Variants in OR2T27 observed in about 807,000 individuals in gnomAD.
OR2T27 encodes olfactory receptor family 2 subfamily T member 27.
For synonymous variants in OR2T27, 51 were observed against 152.9 expected, an observed-to-expected ratio of 0.33 and a Z score of 4.92; for missense variants, 152 against 397.2, an observed-to-expected ratio of 0.38 and a Z score of 5.25.
chr1:248,653,808 ATTTTT>A (rs1558182360), intron 1 of OR2T27, among the ~76,000 whole-genome samples: 86 of 138,060 alleles, frequency 6.2e-4, no homozygotes, highest in African/African-American at 2.1e-3. Flanking sequence ...TAGTCTATAG[ATTTTT>A]ATTTTTTATT....
rs546055876 is a variant in OR2T27, at chr1:248,653,093, G to A, written c.-4-2205C>T. 3.9e-3 allele frequency among the ~76,000 whole-genome samples: 458 copies of A among 118,512 alleles called. 11 individuals are homozygous for A. The highest frequency in any genetic ancestry group is 5.7e-3 in the Non-Finnish European group (299 of 52,000). 77.7% of individuals were successfully genotyped at this position (118,512 alleles called of 152,430 possible). A position where few individuals can be genotyped will look rare whatever the true frequency, so the allele number is the denominator to read the frequency against. ...CACTGGGAATATTAAAGCCCAAGAT[G>A]AAAAAATTGGTCCAAAAATATCCTT... On this transcript the variant is annotated intron_variant, in intron 1 of 1. Transcript: ENST00000460972.
At chr1:248,652,851 T>C (rs1439286964) in intron 1 of OR2T27, among the ~76,000 whole-genome samples, 4 of 150,832 alleles carry the variant, frequency 2.7e-5, no homozygotes, top group Non-Finnish European at 5.9e-5. Flanking sequence ...TTATAATGTA[T>C]CTTTATTATT....
At chr1:248,653,092 T>G (rs2791309) in intron 1 of OR2T27, among the ~76,000 whole-genome samples, 75,640 of 106,010 alleles carry the variant, frequency 0.71, 29,193 homozygotes, top group South Asian at 0.9. Flanking sequence ...AAGCCCAAGA[T>G]GAAAAAATTG....
intron 1 of OR2T27, among the ~76,000 whole-genome samples, chr1:248,653,783 G>A (rs1661071556): frequency 3.0e-5 from 1 of 32,968 alleles, no homozygotes; most frequent in Non-Finnish European, 1.2e-3. Flanking sequence ...CTATATATAG[G>A]TGATTTGTCG....
chr1:248,655,155 AATG>A (rs1047431119), intron 1 of OR2T27, among the ~76,000 whole-genome samples: 1 of 36,220 alleles, frequency 2.8e-5, no homozygotes, highest in African/African-American at 3.3e-5. Flanking sequence ...TATATGTTGC[AATG>A]ATAAAATCTG....
At position 248,650,908 on chromosome 1, in the gene OR2T27, G is replaced by A. The variant is rs1657051250; in HGVS notation, c.-4-20C>T. ...ATAGCTCTGTAGGGTACACAAAAGA[G>A]ATATGACAAAGTTGGAAAGGTATCT... On this transcript the variant is annotated intron_variant, in intron 1 of 1. Coordinates refer to ENST00000460972, the MANE Select transcript of OR2T27 (RefSeq NM_001001824.2). 1 of 1,372,044 alleles carries A rather than the reference G, an allele frequency of 7.3e-7. No homozygotes were observed. Among genetic ancestry groups the A allele is most frequent in the Non-Finnish European group, 9.9e-7 (1 of 1,007,682 alleles). 85.0% of individuals were successfully genotyped at this position (1,372,044 alleles called of 1,614,324 possible).
At chr1:248,653,763 A>G (rs1467920593) in intron 1 of OR2T27, among the ~76,000 whole-genome samples, 1 of 33,932 alleles carries the variant, frequency 2.9e-5, no homozygotes, top group South Asian at 6.8e-3. Context: ...TTGATTTTTC[A>G]TGACCTTTTC....
chr1:248,652,952 G>A (rs1341253942), intron 1 of OR2T27, among the ~76,000 whole-genome samples: 7 of 132,170 alleles, frequency 5.3e-5, no homozygotes, highest in Admixed American at 5.1e-4. Flanking sequence ...CCCAGACCTG[G>A]TTGTCCATAA....
At chr1:248,651,722 A>G (rs2103115732) in intron 1 of OR2T27, 1 of 71,048 alleles carries the variant, frequency 1.4e-5, no homozygotes, top group South Asian at 6.7e-4. Flanking sequence ...TATCCATATC[A>G]GTTAAATATT....
chr1:248,653,363 A>T lies in OR2T27; in HGVS notation c.-5+2081T>A, dbSNP rs1572115619. On this transcript the variant is annotated intron_variant, in intron 1 of 1. Coordinates refer to ENST00000460972, the MANE Select transcript of OR2T27 (RefSeq NM_001001824.2). ...CTTGGAAAATAAAGGAATCAACTGGATTATGCCATGCCCCATGTAATAACT... is the reference window on the plus strand; with the variant it reads ...CTTGGAAAATAAAGGAATCAACTGGTTTATGCCATGCCCCATGTAATAACT... Among the ~76,000 whole-genome samples, 10 of 133,304 alleles carry T rather than the reference A, an allele frequency of 7.5e-5. 1 individual carries two copies. The South Asian group carries it at 2.7e-3, about 36-fold the overall frequency. The allele number at this position is 133,304 out of a possible 152,430, so 87.5% of individuals were successfully genotyped here.
rs1660981923 is a variant in OR2T27 at position 248,650,428 on chromosome 1, A to ACC, written c.455_456dup (p.Ser153GlyfsTer34). ...GGGGTGAGCAAGAAACCATCGATAGACCCTCCCAGCCAGGCTGCCGCCACA... is the reference window on the plus strand; with the variant it reads ...GGGGTGAGCAAGAAACCATCGATAGACCCCCTCCCAGCCAGGCTGCCGCCACA... On this transcript the variant is annotated frameshift_variant, in exon 2 of 2. Coordinates refer to ENST00000460972, the MANE Select transcript of OR2T27 (RefSeq NM_001001824.2). LOFTEE classifies it low-confidence loss of function (END_TRUNC). The ACC allele has an allele frequency of 6.6e-7, 1 of 1,514,914 alleles. No individual in the cohort carries two copies. Among genetic ancestry groups the ACC allele is most frequent in the African/African-American group, 1.4e-5 (1 of 71,588 alleles). The allele number at this position is 1,514,914 out of a possible 1,614,324, so 93.8% of individuals were successfully genotyped here.
Position 248,651,945 on chromosome 1 carries a change from G to A in OR2T27, c.-4-1057C>T, listed in dbSNP as rs554787957. 1.1e-3 allele frequency among the ~76,000 whole-genome samples: 63 copies of A among 56,668 alleles called. No homozygotes were observed. In the South Asian group the frequency reaches 0.051, roughly 46 times the overall value. The allele number at this position is 56,668 out of a possible 152,430, so 37.2% of individuals were successfully genotyped here. On this transcript the variant is annotated intron_variant, in intron 1 of 1. Transcript: ENST00000460972. ...CATCTCCTTAAAACTTTATATTATG[G>A]TAACTTTTAGATATATTTGGATAAT... is the stretch of plus-strand genomic sequence containing the variant.
At chr1:248,653,308 A>G (rs61834277) in intron 1 of OR2T27, among the ~76,000 whole-genome samples, 93,522 of 112,614 alleles carry the variant, frequency 0.83, 41,946 homozygotes, top group East Asian at 1. Context: ...GTATTTTAAG[A>G]GTTACCCAGT....
At chr1:248,655,060 T>C in intron 1 of OR2T27, among the ~76,000 whole-genome samples, 1 of 31,550 alleles carries the variant, frequency 3.2e-5, no homozygotes, top group African/African-American at 3.5e-5. Context: ...AAACCATTTT[T>C]AGAGATGCTT....
chr1:248,651,578 AATT>A (rs3033466), intron 1 of OR2T27: 27,967 of 65,998 alleles, frequency 0.42, 6,062 homozygotes, highest in South Asian at 0.47. Context: ...GCAAACTACC[AATT>A]ATTAACATAC....
chr1:248,651,975 A>C (rs1661027044), intron 1 of OR2T27, among the ~76,000 whole-genome samples: 3 of 151,284 alleles, frequency 2.0e-5, no homozygotes, highest in Non-Finnish European at 2.9e-5. Context: ...GATAATATAG[A>C]TTAAAATTAG....
rs71199329 is a variant in OR2T27 at position 248,649,991 on chromosome 1, T to C, written c.894A>G (p.Thr298=). 59,209 of 1,532,916 alleles carry C rather than the reference T, an allele frequency of 0.039. 7,343 individuals carry two copies. Among genetic ancestry groups the C allele is most frequent in the African/African-American group, 0.2 (13,231 of 65,182 alleles). 95.0% of individuals were successfully genotyped at this position (1,532,916 alleles called of 1,614,324 possible). The change falls in exon 2 of 2, where the codon ACA becomes ACG. Residue 298 remains threonine (T), a synonymous_variant. Coordinates refer to ENST00000460972, the MANE Select transcript of OR2T27 (RefSeq NM_001001824.2). ...TCCCCACAACCTTCTGTAGGGCCCC[T>C]GTGACATCCTTGTTCCTAAGGCTGT... is the stretch of plus-strand genomic sequence containing the variant. The part of the protein sequence containing the change: ...LIYSLRNKDV[T]GALQKVVGRC...
chr1:248,651,886 T>TCAA (rs1661023019), intron 1 of OR2T27, among the ~76,000 whole-genome samples: 1 of 19,362 alleles, frequency 5.2e-5, no homozygotes, highest in Non-Finnish European at 2.0e-3. Context: ...GAGCACAAAG[T>TCAA]TAATTCAAAC....
Position 248,651,736 on chromosome 1 carries a change from C to G in OR2T27, c.-4-848G>C, listed in dbSNP as rs1313013321. On this transcript the variant is annotated intron_variant, in intron 1 of 1. Coordinates refer to ENST00000460972, the MANE Select transcript of OR2T27 (RefSeq NM_001001824.2). Reference sequence around the variant, plus strand: ...GTATCCATATCAGTTAAATATTTTACCACAATTTAGGAACACTTGAGTTAT... The same window carrying G: ...GTATCCATATCAGTTAAATATTTTAGCACAATTTAGGAACACTTGAGTTAT... Among the ~76,000 whole-genome samples, 6 of 70,292 alleles carry G rather than the reference C, an allele frequency of 8.5e-5. 2 individuals carry two copies. The highest frequency in any genetic ancestry group is 2.9e-4 in the Non-Finnish European group (6 of 20,480). The allele number at this position is 70,292 out of a possible 152,430, so 46.1% of individuals were successfully genotyped here. A position where few individuals can be genotyped will look rare whatever the true frequency, so the allele number is the denominator to read the frequency against.
Sources: gnomAD v4.1 joint callset for allele counts (sites outside exome capture counted in the v4.1 genomes callset) on GRCh38, gnomAD v4.1.1 for gene constraint, MANE v1.5 for transcripts, NCBI Gene and HGNC (gene_info 2026-07-23, HGNC 2026-07-21) for gene names.